Variants in SMYD3 observed in about 807,000 individuals in gnomAD.
SMYD3 encodes SET and MYND domain containing 3.
In SMYD3, 36 loss-of-function variants were observed where a neutral mutation model predicts 57.7. The ratio of observed to expected loss-of-function variants is 0.62; its 90% confidence interval spans 0.48 to 0.82. The LOEUF is 0.82. SMYD3 is among the 40% of genes least tolerant of loss of function. The pLI, the probability that SMYD3 is intolerant of heterozygous loss-of-function variation, is 0.00. For synonymous variants in SMYD3, 211 were observed against 195.0 expected, an observed-to-expected ratio of 1.08 and a Z score of -0.68; for missense variants, 515 against 538.8, an observed-to-expected ratio of 0.96 and a Z score of 0.44.
At chr1:246,440,510 TA>T (rs2067446303) in intron 1 of SMYD3, among the ~76,000 whole-genome samples, 1 of 152,190 alleles carries the variant, frequency 6.6e-6, no homozygotes, top group East Asian at 1.9e-4. Flanking sequence ...CATGACAGTA[TA>T]TTTTTTTAAT....
intron 8 of SMYD3, among the ~76,000 whole-genome samples, chr1:245,894,286 AAAATGAACCTATCAGCACTCTGT>A (rs1297454737): frequency 0.02 from 6 of 300 alleles, no homozygotes; most frequent in Non-Finnish European, 0.045. Flanking sequence ...AGCACCCTGT[AAAATGAACCTATCAGCACTCTGT>A]AAAATGAACC....
chr1:245,978,598 G>T (rs1286423102), intron 5 of SMYD3, among the ~76,000 whole-genome samples: 1 of 152,144 alleles, frequency 6.6e-6, no homozygotes, highest in Non-Finnish European at 1.5e-5. Flanking sequence ...TATTTCAAAA[G>T]GTTTTTCCCT....
intron 5 of SMYD3, among the ~76,000 whole-genome samples, chr1:246,061,217 C>T (rs538131691): frequency 4.6e-5 from 7 of 151,946 alleles, no homozygotes; most frequent in East Asian, 1.9e-4. Flanking sequence ...AGCAAGACTC[C>T]GTCACACGCA....
intron 5 of SMYD3, among the ~76,000 whole-genome samples, chr1:246,266,709 T>C (rs2064114846): frequency 6.6e-6 from 1 of 152,002 alleles, no homozygotes; most frequent in Non-Finnish European, 1.5e-5. Context: ...GGAGAATTGC[T>C]TAACTGGGAC....
intron 1 of SMYD3, among the ~76,000 whole-genome samples, chr1:246,431,654 C>T (rs1471373413): frequency 6.6e-6 from 1 of 152,204 alleles, no homozygotes; most frequent in Non-Finnish European, 1.5e-5. Flanking sequence ...ATCGCTTGAA[C>T]CCAGGAGGCA....
At chr1:245,764,879 GAC>G (rs1487137086) in intron 10 of SMYD3, among the ~76,000 whole-genome samples, 1 of 152,070 alleles carries the variant, frequency 6.6e-6, no homozygotes, top group Non-Finnish European at 1.5e-5. Flanking sequence ...GGCTGTTTCA[GAC>G]CCTGTGAAGA....
At chr1:246,318,640 G>C (rs978960696) in intron 5 of SMYD3, among the ~76,000 whole-genome samples, 2 of 152,132 alleles carry the variant, frequency 1.3e-5, no homozygotes, top group African/African-American at 4.8e-5. Context: ...AGTAACCTTT[G>C]CCATTTCATA....
rs192839368 is a variant in SMYD3, at chr1:246,322,724, A to T, written c.531+4477T>A. On this transcript the variant is annotated intron_variant, in intron 5 of 11. Coordinates refer to ENST00000490107, the MANE Select transcript of SMYD3 (RefSeq NM_001167740.2). ...AGGGAACATACAATCTAAGTTTTTTAAAAAAAACAAAACTATCCAAATAAA... is the reference window on the plus strand; with the variant it reads ...AGGGAACATACAATCTAAGTTTTTTTAAAAAAACAAAACTATCCAAATAAA... 7.4e-3 allele frequency among the ~76,000 whole-genome samples: 1,132 copies of T among 152,006 alleles called. 14 individuals carry two copies. Among genetic ancestry groups the T allele is most frequent in the African/African-American group, 0.025 (1,047 of 41,440 alleles).
rs1239650549 is a variant in SMYD3, at chr1:246,275,553, T to C, written c.531+51648A>G. On this transcript the variant is annotated intron_variant, in intron 5 of 11. Transcript: ENST00000490107. ...TGTTTTTCACTAGCCGTGTTAACAC[T>C]GGCAAGTTATTTAATGTTTCTAGTG... Among the ~76,000 whole-genome samples, 12 of 126,302 alleles carry C rather than the reference T, an allele frequency of 9.5e-5. 2 individuals are homozygous for C. In the Admixed American group the frequency reaches 9.8e-4, roughly 10 times the overall value. 82.9% of individuals were successfully genotyped at this position (126,302 alleles called of 152,430 possible).
intron 5 of SMYD3, among the ~76,000 whole-genome samples, chr1:245,946,949 A>C (rs1275690369): frequency 6.6e-6 from 1 of 152,146 alleles, no homozygotes; most frequent in African/African-American, 2.4e-5. Context: ...TTGTTAAGTC[A>C]CTCTGTCAAA....
At chr1:246,031,160 T>C (rs904045374) in intron 5 of SMYD3, among the ~76,000 whole-genome samples, 5 of 152,162 alleles carry the variant, frequency 3.3e-5, no homozygotes, top group Non-Finnish European at 5.9e-5. Flanking sequence ...TAGCAATGTT[T>C]TATGACACTA....
rs546804365 is a variant in SMYD3, at chr1:246,418,754, C to T, written c.165-63660G>A. ...CAACCGTCCCAGCCAAACTCCACGT[C>T]GTTCTGCTGGCCGACGGCCTCCCAG... On this transcript the variant is annotated intron_variant, in intron 1 of 11. Coordinates refer to ENST00000490107, the MANE Select transcript of SMYD3 (RefSeq NM_001167740.2). Among the ~76,000 whole-genome samples the T allele has an allele frequency of 2.0e-5, 3 of 152,264 alleles. 1 individual carries two copies. In the East Asian group the frequency reaches 5.8e-4, roughly 29 times the overall value.
chr1:245,930,867 C>CA (rs2056674335), intron 5 of SMYD3: 1 of 152,114 alleles, frequency 6.6e-6, no homozygotes, highest in South Asian at 2.1e-4. Context: ...AAAAAGTTGT[C>CA]AAGAAAGCTC....
At chr1:246,375,397 G>C (rs2066259822) in intron 1 of SMYD3, among the ~76,000 whole-genome samples, 1 of 123,852 alleles carries the variant, frequency 8.1e-6, no homozygotes, top group Non-Finnish European at 1.6e-5. Flanking sequence ...CAACATGAGA[G>C]TAAATGCCAC....
intron 5 of SMYD3, among the ~76,000 whole-genome samples, chr1:246,124,976 G>T (rs1028762890): frequency 8.6e-5 from 13 of 151,950 alleles, no homozygotes; most frequent in African/African-American, 3.1e-4. Context: ...GAAGGCTGAG[G>T]CAGGAGAATG....
chr1:246,326,190 C>T (rs10924692), intron 5 of SMYD3: 10,169 of 442,062 alleles, frequency 0.023, 897 homozygotes, highest in African/African-American at 0.19. Flanking sequence ...AATATATCTT[C>T]AAACGTGTGC....
At chr1:246,096,970 CATAATCCAGTAATCT>C (rs748789867) in intron 5 of SMYD3, among the ~76,000 whole-genome samples, 33 of 152,318 alleles carry the variant, frequency 2.2e-4, no homozygotes, top group Non-Finnish European at 4.0e-4. Flanking sequence ...TTTTCTCCTA[CATAATCCAGTAATCT>C]ATAATCCAGT....
Position 245,749,592 on chromosome 1 carries a change from C to T in SMYD3, c.1258G>A (p.Glu420Lys). 1.2e-6 allele frequency: 2 copies of T among 1,614,144 alleles called. No homozygotes were observed. The highest frequency in any genetic ancestry group is 1.3e-5 in the African/African-American group (1 of 75,038). Residue 420 changes from glutamate to lysine, a missense_variant, in exon 12 of 12, where the codon GAA becomes AAA. Glu to Lys is a moderately conservative substitution (Grantham distance 56, BLOSUM62 1). Transcript: ENST00000490107. ...LIEDLILLLE[E>K]CDANIRAS ...GATGCTCTGATGTTGGCGTCGCATT[C>T]TTCTAAAAGTAGAATCAAATCTTCA...
At chr1:246,149,027 C>T (rs546634024) in intron 5 of SMYD3, among the ~76,000 whole-genome samples, 49 of 152,294 alleles carry the variant, frequency 3.2e-4, no homozygotes, top group African/African-American at 1.1e-3. Context: ...CAGTTAGAGA[C>T]AAGGAGTAGA....
Sources: allele counts gnomAD v4.1 joint callset (sites outside exome capture counted in the v4.1 genomes callset), GRCh38; gene constraint gnomAD v4.1.1; transcripts MANE v1.5; gene names NCBI Gene and HGNC (gene_info 2026-07-23, HGNC 2026-07-21).